The following EPB41 variants were observed in gnomAD, a reference collection of about 807,000 sequenced individuals.
EPB41 encodes the protein erythrocyte membrane protein band 4.1.
EPB41 carries 65 observed loss-of-function variants against 108.0 expected under a neutral mutation model. The ratio of observed to expected loss-of-function variants is 0.60; its 90% CI spans 0.49 to 0.74. The LOEUF (loss-of-function observed/expected upper bound fraction) is 0.74. EPB41 is among the 30% of genes least tolerant of loss of function. EPB41 has a pLI of 0.00. For missense variants in EPB41, 875 were observed against 1,037.0 expected (o/e 0.84, Z 2.15); for synonymous variants, 336 against 358.9 (o/e 0.94, Z 0.72).
At chr1:29,066,752 C>A (rs1343422177) in intron 16 of EPB41, among the ~76,000 whole-genome samples, 1 of 152,036 alleles carries the variant, frequency 6.6e-6, no homozygotes, top group African/African-American at 2.4e-5. Flanking sequence ...TGGCTCCCTG[C>A]AACCTCCACC....
intron 6 of EPB41, 50 bp downstream of exon 6, chr1:29,015,817 G>A: frequency 8.2e-7 from 1 of 1,213,418 alleles, no homozygotes; most frequent in East Asian, 2.4e-5. Context: ...TAATGTGTAT[G>A]ATGAGACAGT....
intron 16 of EPB41, among the ~76,000 whole-genome samples, chr1:29,086,255 C>G (rs1035929861): frequency 1.3e-5 from 2 of 150,372 alleles, no homozygotes; most frequent in African/African-American, 2.4e-5. Flanking sequence ...TTTAGTACAC[C>G]TTAAAATCTT....
intron 1 of EPB41, among the ~76,000 whole-genome samples, chr1:28,917,579 CTGTATACATA>C (rs1192847702): frequency 6.7e-6 from 1 of 149,398 alleles, no homozygotes; most frequent in African/African-American, 2.5e-5. Flanking sequence ...GTGCCTGGCC[CTGTATACATA>C]TGTTTTTAGA....
chr1:29,059,103 C>A (rs767040516), intron 14 of EPB41, among the ~76,000 whole-genome samples: 1 of 152,140 alleles, frequency 6.6e-6, no homozygotes, highest in African/African-American at 2.4e-5. Flanking sequence ...GGTGAAACCA[C>A]GTCTCTACTA....
chr1:28,987,587 A>G lies in EPB41; in HGVS notation c.150A>G (p.Glu50=). The change falls in exon 2 of 21, where the codon GAA becomes GAG. Residue 50 remains glutamate (E), a synonymous_variant. Transcript: ENST00000343067. ...CAGCTGAAGGAGATAATTGGTGTGA[A>G]CAGAAGCTGAAAGCTTCTAATGGAG... ...QTAAEGDNWC[E]QKLKASNGDT... is the part of the protein sequence containing the mutation. 6.2e-7 allele frequency: 1 copy of G among 1,614,220 alleles called. No homozygotes were observed. Among genetic ancestry groups the G allele is most frequent in the Non-Finnish European group, 8.5e-7 (1 of 1,180,044 alleles).
At position 28,888,970 on chromosome 1, in the gene EPB41, G is replaced by T. The variant is rs535704427; in HGVS notation, c.-8+1760G>T. Among the ~76,000 whole-genome samples, 5 of 152,320 alleles carry T rather than the reference G, an allele frequency of 3.3e-5. No homozygotes were observed. In the East Asian group the frequency reaches 9.7e-4, roughly 29 times the overall value. On this transcript the variant is annotated intron_variant, in intron 1 of 16. Transcript: ENST00000347529. The stretch of plus-strand genomic sequence containing the variant: ...GCCAGGAGAAACTTTGCGCAAGGAG[G>T]TAGGAGGCTTGAGAAGAAAGGGAGC...
intron 4 of EPB41, among the ~76,000 whole-genome samples, chr1:29,007,706 C>CTGTG (rs1267469296): frequency 1.3e-5 from 2 of 152,188 alleles, no homozygotes; most frequent in Non-Finnish European, 2.9e-5. Flanking sequence ...CCTTTACATA[C>CTGTG]TGTGATACCA....
intron 16 of EPB41, among the ~76,000 whole-genome samples, chr1:29,086,940 CTTTT>C (rs386366593): frequency 2.0e-5 from 2 of 98,564 alleles, no homozygotes; most frequent in Non-Finnish European, 1.9e-5. Context: ...AACTGTGGTT[CTTTT>C]TTTTTTTTTT....
intron 15 of EPB41, among the ~76,000 whole-genome samples, chr1:29,064,192 A>G (rs1646969305): frequency 6.6e-6 from 1 of 152,184 alleles, no homozygotes; most frequent in Non-Finnish European, 1.5e-5. Flanking sequence ...TTTGAAGGTT[A>G]TTGCAAGAAG....
chr1:29,115,623 G>C lies in EPB41; in HGVS notation c.2497-76G>C. ...GAGTATTGGATCTGTCAGAACATCA[G>C]AGAAATGATGACCACTGCCTTCCTT... On this transcript the variant is annotated intron_variant, in intron 19 of 20. Transcript: ENST00000343067. The surrounding 1 kb of genome is among the most constrained non-coding windows in gnomAD (Gnocchi z 4.4). 2.4e-6 allele frequency: 3 copies of C among 1,253,798 alleles called. No homozygotes were observed. The highest frequency in any genetic ancestry group is 3.5e-6 in the Non-Finnish European group (3 of 862,834). The allele number at this position is 1,253,798 out of a possible 1,614,324, so 77.7% of individuals were successfully genotyped here.
intron 11 of EPB41, among the ~76,000 whole-genome samples, chr1:29,048,831 A>AT (rs1036927279): frequency 2.6e-4 from 40 of 151,584 alleles, no homozygotes; most frequent in African/African-American, 6.8e-4. Flanking sequence ...GAATAGGACA[A>AT]TTTTTTTTTG....
At chr1:29,028,023 C>T (rs565766224) in intron 7 of EPB41, among the ~76,000 whole-genome samples, 3 of 152,104 alleles carry the variant, frequency 2.0e-5, no homozygotes, top group East Asian at 3.9e-4. Context: ...GGGGTTTCTC[C>T]GTGTTGGTCA....
chr1:29,016,440 C>T (rs1268277259), intron 6 of EPB41, among the ~76,000 whole-genome samples: 1 of 151,064 alleles, frequency 6.6e-6, no homozygotes, highest in East Asian at 1.9e-4. Flanking sequence ...CTGCTTGCCT[C>T]GGCCTCCCAA....
chr1:29,090,737 C>T (rs536570789), intron 16 of EPB41, among the ~76,000 whole-genome samples: 3 of 152,160 alleles, frequency 2.0e-5, no homozygotes, highest in South Asian at 2.1e-4. Flanking sequence ...TCAACAAGAG[C>T]GAAACCCTGT....
chr1:28,981,875 TTTTA>T (rs1317112283), intron 1 of EPB41, among the ~76,000 whole-genome samples: 1 of 151,028 alleles, frequency 6.6e-6, no homozygotes, highest in Non-Finnish European at 1.5e-5. Flanking sequence ...TTTTTATTAT[TTTTA>T]TTTTTTATTT....
intron 15 of EPB41, among the ~76,000 whole-genome samples, chr1:29,061,684 A>C (rs913694628): frequency 6.8e-6 from 1 of 147,820 alleles, no homozygotes; most frequent in African/African-American, 2.5e-5. Context: ...GGCTCAAGCA[A>C]TCCTCCCATC....
At position 29,021,650 on chromosome 1, in the gene EPB41, T is replaced by A. The variant is rs1321423905; in HGVS notation, c.1124+3208T>A. On this transcript the variant is annotated intron_variant, in intron 7 of 20. Coordinates refer to ENST00000343067, the MANE Select transcript of EPB41 (RefSeq NM_001376013.1). ...CAGGCTGGAGTGCAGTGGGGTGATC[T>A]CCGCTCACTGCAAGCTCCGTCTCCC... 4.0e-5 allele frequency among the ~76,000 whole-genome samples: 6 copies of A among 151,644 alleles called. No individual in the cohort carries two copies. In the East Asian group the frequency reaches 9.7e-4, roughly 25 times the overall value.
intron 2 of EPB41, among the ~76,000 whole-genome samples, chr1:28,990,514 G>A (rs2095993034): frequency 6.6e-6 from 1 of 151,230 alleles, no homozygotes; most frequent in African/African-American, 2.4e-5. Flanking sequence ...TCAACCTCCC[G>A]GGCTCAAGCT....
At chr1:28,985,717 C>G (rs887947700) in intron 1 of EPB41, 3 of 152,204 alleles carry the variant, frequency 2.0e-5, no homozygotes, top group Admixed American at 2.0e-4. Context: ...TTAGGCTTGT[C>G]TGGTGCAGTG....
Sources: allele counts gnomAD v4.1 joint callset (sites outside exome capture counted in the v4.1 genomes callset), GRCh38; gene constraint gnomAD v4.1.1; non-coding constraint Gnocchi (gnomAD v3.1); transcripts MANE v1.5; gene names NCBI Gene and HGNC (gene_info 2026-07-23, HGNC 2026-07-21).